The following OTOGL variants were observed in gnomAD, a reference collection of about 807,000 sequenced individuals.
The protein encoded by OTOGL is otogelin-like protein.
A neutral mutation model predicts 318.5 loss-of-function variants in OTOGL; 285 were observed. The observed-to-expected ratio is 0.89, with a 90% CI of 0.81 to 0.99. The LOEUF (loss-of-function observed/expected upper bound fraction) is 0.99. Among genes scored for constraint, OTOGL ranks in the 50% least tolerant of loss-of-function variants. The probability of loss-of-function intolerance (pLI) is 0.00; values close to 1 mark genes in which losing one functional copy is unlikely to be tolerated. For synonymous variants in OTOGL, 987 were observed against 936.5 expected (o/e 1.05, Z -0.99); for missense variants, 2,899 against 2,845.6 (o/e 1.02, Z -0.43).
At chr12:80,318,453 A>G in intron 32 of OTOGL, 93 bp from the exon 33 acceptor site, 3 of 878,284 alleles carry the variant, frequency 3.4e-6, no homozygotes, top group Non-Finnish European at 4.6e-6. Context: ...CAATTTTTGA[A>G]GTATTTTGTT....
At chr12:80,233,287 GT>G (rs1259028191) in intron 9 of OTOGL, among the ~76,000 whole-genome samples, 190 bp downstream of exon 9, 1 of 152,178 alleles carries the variant, frequency 6.6e-6, no homozygotes, top group Admixed American at 6.5e-5. Flanking sequence ...CCATGAACTA[GT>G]TTACCTTTGC....
rs143500533 is a variant in OTOGL at position 80,140,986 on chromosome 12, A to C, written c.-20+41381A>C. Reference sequence around the variant, plus strand: ...ACCTTCAGAAAAGTAGTGAACAAAGATTAAATTAAATCCTGATATTGTTAA... The same window carrying C: ...ACCTTCAGAAAAGTAGTGAACAAAGCTTAAATTAAATCCTGATATTGTTAA... On this transcript the variant is annotated intron_variant, in intron 1 of 58. Coordinates refer to ENST00000547103, the MANE Select transcript of OTOGL (RefSeq NM_001378609.3). Among the ~76,000 whole-genome samples the C allele has an allele frequency of 5.2e-3, 793 of 152,292 alleles. 8 individuals are homozygous for C. The highest frequency in any genetic ancestry group is 0.018 in the African/African-American group (758 of 41,568).
At chr12:80,107,469 G>C (rs573676581) in intron 1 of OTOGL, among the ~76,000 whole-genome samples, 99 of 152,248 alleles carry the variant, frequency 6.5e-4, no homozygotes, top group Non-Finnish European at 1.2e-3. Flanking sequence ...GTGAGGTTGC[G>C]GAGAAGAGGA....
chr12:80,107,483 G>A (rs951750826), intron 1 of OTOGL, among the ~76,000 whole-genome samples: 4 of 152,144 alleles, frequency 2.6e-5, no homozygotes, highest in Non-Finnish European at 5.9e-5. Flanking sequence ...AAGAGGAAAT[G>A]CTTATACACT....
intron 1 of OTOGL, among the ~76,000 whole-genome samples, chr12:80,157,298 T>C (rs971806509): frequency 5.9e-5 from 9 of 152,310 alleles, no homozygotes; most frequent in African/African-American, 2.2e-4. Context: ...TAGATTTTTT[T>C]CCCCATAGAG....
chr12:80,375,708 A>T (rs73141175), intron 57 of OTOGL, among the ~76,000 whole-genome samples: 13,630 of 152,192 alleles, frequency 0.09, 675 homozygotes, highest in East Asian at 0.17. Flanking sequence ...GAGGAAGGTG[A>T]TAGAAAGAAG....
intron 1 of OTOGL, among the ~76,000 whole-genome samples, chr12:80,101,631 A>C (rs996402862): frequency 2.6e-5 from 4 of 152,368 alleles, no homozygotes; most frequent in Admixed American, 1.3e-4. Flanking sequence ...TGCCTAGTCC[A>C]GTATCTATGT....
intron 18 of OTOGL, among the ~76,000 whole-genome samples, chr12:80,259,360 T>TTTA (rs978935094): frequency 6.6e-6 from 1 of 151,636 alleles, no homozygotes; most frequent in African/African-American, 2.4e-5. Context: ...TTTTATTTAA[T>TTTA]TTATTATTAT....
At chr12:80,128,683 T>A (rs958712387) in intron 1 of OTOGL, among the ~76,000 whole-genome samples, 1 of 152,200 alleles carries the variant, frequency 6.6e-6, no homozygotes, top group African/African-American at 2.4e-5. Flanking sequence ...TGTGGTAGGC[T>A]CCACCTAGTT....
intron 1 of OTOGL, among the ~76,000 whole-genome samples, chr12:80,164,806 C>A (rs1873734790): frequency 6.6e-6 from 1 of 152,034 alleles, no homozygotes; most frequent in Non-Finnish European, 1.5e-5. Flanking sequence ...TCTCACACTG[C>A]TATAAAGACA....
intron 11 of OTOGL, among the ~76,000 whole-genome samples, chr12:80,243,532 G>A (rs1397594834): frequency 2.6e-5 from 4 of 151,586 alleles, no homozygotes; most frequent in Non-Finnish European, 5.9e-5. Flanking sequence ...AATGGGGAGA[G>A]TAAAAATATG....
At chr12:80,231,849 G>A (rs1050059211) in intron 8 of OTOGL, among the ~76,000 whole-genome samples, 1 of 149,100 alleles carries the variant, frequency 6.7e-6, no homozygotes, top group Non-Finnish European at 1.5e-5. Context: ...GTGTTGGCCA[G>A]TCTGGTCTCG....
chr12:80,194,582 A>G (rs1226322399), intron 1 of OTOGL, among the ~76,000 whole-genome samples: 1 of 152,250 alleles, frequency 6.6e-6, no homozygotes, highest in African/African-American at 2.4e-5. Flanking sequence ...CAAATTTTCA[A>G]TTATAGAAAG....
At chr12:80,235,426 C>CCACTGCA (rs978505144) in intron 9 of OTOGL, among the ~76,000 whole-genome samples, 1 of 138,958 alleles carries the variant, frequency 7.2e-6, no homozygotes, top group African/African-American at 2.7e-5. Flanking sequence ...GACCATCATG[C>CCACTGCA]CACTGCACTC....
intron 1 of OTOGL, among the ~76,000 whole-genome samples, chr12:80,145,161 G>A (rs570197864): frequency 6.6e-6 from 1 of 150,968 alleles, no homozygotes; most frequent in South Asian, 2.1e-4. Context: ...TATTGCCTAG[G>A]TTTTCTTCTA....
chr12:80,232,164 G>A (rs1031371246), intron 8 of OTOGL, among the ~76,000 whole-genome samples: 1 of 152,052 alleles, frequency 6.6e-6, no homozygotes, highest in Non-Finnish European at 1.5e-5. Flanking sequence ...TTTGTATCAG[G>A]AGCTTAAATA....
At chr12:80,269,991 T>G in intron 22 of OTOGL, 111 bp from the exon 23 acceptor site, 1 of 880,862 alleles carries the variant, frequency 1.1e-6, no homozygotes, top group Non-Finnish European at 1.7e-6. Flanking sequence ...AAAATAACAT[T>G]TGTATAATGT....
chr12:80,356,889 A>T lies in OTOGL; in HGVS notation c.5994A>T (p.Glu1998Asp). Residue 1998 changes from glutamate to aspartate, a missense_variant, in exon 49 of 59, where the codon GAA becomes GAT. Physicochemically the swap from Glu to Asp is conservative, Grantham distance 45. Coordinates refer to ENST00000547103, the MANE Select transcript of OTOGL (RefSeq NM_001378609.3). ...DQFMIQVRQEEPCCFSPFCVC... is the reference protein window; with the variant it reads ...DQFMIQVRQEDPCCFSPFCVC... ...TCATGATTCAAGTTCGACAGGAAGA[A>T]CCTTGTTGTTTTTCCCCTTTTTGTG... is the stretch of plus-strand genomic sequence containing the variant. 6.3e-7 allele frequency: 1 copy of T among 1,592,554 alleles called. No homozygotes were observed. Among genetic ancestry groups the T allele is most frequent in the Non-Finnish European group, 8.6e-7 (1 of 1,169,356 alleles).
intron 19 of OTOGL, among the ~76,000 whole-genome samples, chr12:80,263,907 A>G (rs1399618428): frequency 6.6e-6 from 1 of 152,140 alleles, no homozygotes; most frequent in Non-Finnish European, 1.5e-5. Context: ...GATCCTTGGC[A>G]TTAAGAATAT....
Sources: allele counts gnomAD v4.1 joint callset (sites outside exome capture counted in the v4.1 genomes callset), GRCh38; gene constraint gnomAD v4.1.1; transcripts MANE v1.5; gene names NCBI Gene and HGNC (gene_info 2026-07-23, HGNC 2026-07-21).